Variants in MACROD2 observed in about 807,000 individuals in gnomAD.
MACROD2 encodes the protein ADP-ribose glycohydrolase MACROD2.
In MACROD2, 36 loss-of-function variants were observed where a neutral mutation model predicts 70.4. The ratio of observed to expected loss-of-function variants is 0.51; its 90% CI spans 0.39 to 0.68. The LOEUF (loss-of-function observed/expected upper bound fraction) is 0.68. Among genes scored for constraint, MACROD2 ranks in the 30% least tolerant of loss-of-function variants. The pLI, the probability that MACROD2 is intolerant of heterozygous loss-of-function variation, is 0.00. For missense variants in MACROD2, 496 were observed against 538.4 expected (o/e 0.92, Z 0.78); for synonymous variants, 172 against 178.8 (o/e 0.96, Z 0.30).
At chr20:15,006,348 G>A (rs916827660) in intron 5 of MACROD2, among the ~76,000 whole-genome samples, 4 of 152,096 alleles carry the variant, frequency 2.6e-5, no homozygotes, top group South Asian at 2.1e-4. Context: ...TATGGGGTTG[G>A]GGCAGGGGAA....
intron 8 of MACROD2, among the ~76,000 whole-genome samples, chr20:15,564,153 A>G (rs1162332299): frequency 6.6e-6 from 1 of 152,198 alleles, no homozygotes; most frequent in Non-Finnish European, 1.5e-5. Flanking sequence ...GTCAGTTGCC[A>G]TCACTGTTAC....
intron 3 of MACROD2, among the ~76,000 whole-genome samples, chr20:14,131,753 G>C (rs2054721048): frequency 1.3e-5 from 2 of 152,062 alleles, no homozygotes; most frequent in Non-Finnish European, 1.5e-5. Flanking sequence ...TTCAGAGACA[G>C]GATCTCACTC....
chr20:14,102,135 C>G (rs1428560164), intron 3 of MACROD2, among the ~76,000 whole-genome samples: 5 of 151,062 alleles, frequency 3.3e-5, no homozygotes, highest in African/African-American at 7.3e-5. Flanking sequence ...TCCTGAGTAG[C>G]TGGGACTACA....
intron 5 of MACROD2, chr20:14,905,281 A>G (rs569494409): frequency 1.3e-5 from 2 of 152,300 alleles, no homozygotes; most frequent in Admixed American, 6.5e-5. Flanking sequence ...GAGGAAAGAG[A>G]GACATTCAAT....
intron 10 of MACROD2, among the ~76,000 whole-genome samples, chr20:15,890,828 G>A (rs116354898): frequency 4.7e-4 from 72 of 152,210 alleles, no homozygotes; most frequent in African/African-American, 1.7e-3. Context: ...ATCCTGGCAC[G>A]AAGGCGACAG....
chr20:14,825,820 G>C (rs764503083), intron 5 of MACROD2, among the ~76,000 whole-genome samples: 2 of 152,124 alleles, frequency 1.3e-5, no homozygotes, highest in Non-Finnish European at 2.9e-5. Context: ...TGAAAGGAGA[G>C]CATCCGTTGT....
At chr20:14,330,591 A>G (rs1219238766) in intron 3 of MACROD2, among the ~76,000 whole-genome samples, 1 of 152,106 alleles carries the variant, frequency 6.6e-6, no homozygotes, top group Non-Finnish European at 1.5e-5. Context: ...GTCATAGGCT[A>G]TATTAACGGA....
intron 3 of MACROD2, among the ~76,000 whole-genome samples, chr20:14,137,614 C>A (rs996431414): frequency 2.6e-5 from 4 of 152,066 alleles, no homozygotes; most frequent in African/African-American, 9.7e-5. Flanking sequence ...TATCCTACAT[C>A]ATATACAACA....
chr20:15,770,075 T>A (rs1427043772), intron 8 of MACROD2, among the ~76,000 whole-genome samples: 2 of 139,952 alleles, frequency 1.4e-5, no homozygotes, highest in Admixed American at 7.5e-5. Context: ...ATTTTTTTAA[T>A]TTATTTTAAT....
chr20:14,268,177 CAA>C (rs1336588390), intron 3 of MACROD2, among the ~76,000 whole-genome samples: 1 of 151,996 alleles, frequency 6.6e-6, no homozygotes, highest in Non-Finnish European at 1.5e-5. Flanking sequence ...CATTTTTAAA[CAA>C]ATCCCAGATT....
intron 8 of MACROD2, among the ~76,000 whole-genome samples, chr20:15,528,820 C>G (rs902044317): frequency 6.6e-6 from 1 of 151,708 alleles, no homozygotes; most frequent in South Asian, 2.1e-4. Context: ...ATCTTGAACT[C>G]GAAACTCTTA....
intron 4 of MACROD2, among the ~76,000 whole-genome samples, chr20:14,534,984 A>G (rs892006981): frequency 3.4e-4 from 52 of 152,198 alleles, no homozygotes; most frequent in Non-Finnish European, 1.5e-5. Context: ...GCAAGGAGAG[A>G]GGTTCTGACT....
Position 15,865,404 on chromosome 20 carries a change from C to T in MACROD2, c.727+2578C>T, listed in dbSNP as rs1415694959. Among the ~76,000 whole-genome samples, 3 of 151,972 alleles carry T rather than the reference C, an allele frequency of 2.0e-5. No individual in the cohort carries two copies. In the East Asian group the frequency reaches 5.8e-4, roughly 29 times the overall value. On this transcript the variant is annotated intron_variant, in intron 9 of 17. Coordinates refer to ENST00000684519, the MANE Select transcript of MACROD2 (RefSeq NM_001351661.2). ...TTTAATAACATAACAATAATGGTTA[C>T]TAATAATTCAAACCTTTTTGAATTG...
At chr20:15,276,338 T>TGCAGTGAGCCGAGATTGTG (rs2077391631) in intron 6 of MACROD2, among the ~76,000 whole-genome samples, 2 of 149,596 alleles carry the variant, frequency 1.3e-5, no homozygotes, top group Non-Finnish European at 1.5e-5. Context: ...AGGCGGAGCT[T>TGCAGTGAGCCGAGATTGTG]GCAGTGAGCC....
chr20:15,790,733 A>G (rs1001874266), intron 8 of MACROD2, among the ~76,000 whole-genome samples: 1 of 151,928 alleles, frequency 6.6e-6, no homozygotes, highest in African/African-American at 2.4e-5. Context: ...TTAGAAAAAA[A>G]ATTATCATTA....
intron 6 of MACROD2, among the ~76,000 whole-genome samples, chr20:15,380,108 T>C (rs1192972142): frequency 6.6e-6 from 1 of 152,124 alleles, no homozygotes; most frequent in Non-Finnish European, 1.5e-5. Flanking sequence ...ATGACATATC[T>C]TTAGAGAGAT....
At chr20:15,084,369 A>G (rs1568565228) in intron 5 of MACROD2, among the ~76,000 whole-genome samples, 1 of 151,940 alleles carries the variant, frequency 6.6e-6, no homozygotes. Context: ...CACCCGGCCA[A>G]CTAGTTTTTC....
chr20:15,049,258 G>T (rs1026480963), intron 5 of MACROD2, among the ~76,000 whole-genome samples: 8 of 151,742 alleles, frequency 5.3e-5, no homozygotes, highest in African/African-American at 1.7e-4. Context: ...GAAAAGCATT[G>T]CAAGGAGAGA....
chr20:15,008,911 G>A (rs1420171311), intron 5 of MACROD2, among the ~76,000 whole-genome samples: 1 of 151,910 alleles, frequency 6.6e-6, no homozygotes, highest in East Asian at 1.9e-4. Flanking sequence ...TTCCTTTTCT[G>A]TGGGTTTAGT....
Sources: gnomAD v4.1 joint callset for allele counts (sites outside exome capture counted in the v4.1 genomes callset) on GRCh38, gnomAD v4.1.1 for gene constraint, MANE v1.5 for transcripts, NCBI Gene and HGNC (gene_info 2026-07-23, HGNC 2026-07-21) for gene names.